The following PITHD1 variants were observed in gnomAD, a reference collection of about 807,000 sequenced individuals.
PITHD1 encodes the protein PITH domain containing 1, also known as PITH domain-containing protein 1.
In PITHD1, 8 loss-of-function variants were observed where a neutral mutation model predicts 27.5. The ratio of observed to expected loss-of-function variants is 0.29; its 90% confidence interval spans 0.17 to 0.52. PITHD1 has a LOEUF of 0.52. PITHD1 is among the 20% of genes least tolerant of loss of function. The pLI, the probability that PITHD1 is intolerant of heterozygous loss-of-function variation, is 0.96. For missense variants in PITHD1, 233 were observed against 283.9 expected, an observed-to-expected ratio of 0.82 and a Z score of 1.29; for synonymous variants, 118 against 106.8, an observed-to-expected ratio of 1.10 and a Z score of -0.64.
Position 23,788,060 on chromosome 1 carries a change from GGTCA to G in PITHD1, c.*687_*690del, listed in dbSNP as rs1638711594. The G allele has an allele frequency of 6.6e-6, 1 of 152,132 alleles. No individual in the cohort carries two copies. The highest frequency in any genetic ancestry group is 1.5e-5 in the Non-Finnish European group (1 of 68,038). 9.4% of individuals were successfully genotyped at this position (152,132 alleles called of 1,614,324 possible). ...TCATTTCTATGTGTGTGGGTAATCTGGTCAGTAAGATTGAGACTTAGTTAAGATT... is the reference window on the plus strand; with the variant it reads ...TCATTTCTATGTGTGTGGGTAATCTGGTAAGATTGAGACTTAGTTAAGATT... On this transcript the variant is annotated 3_prime_UTR_variant, in exon 6 of 6. Transcript: ENST00000246151.
At chr1:23,784,263 CGGA>C (rs1638652478) in intron 3 of PITHD1, among the ~76,000 whole-genome samples, 1 of 93,330 alleles carries the variant, frequency 1.1e-5, no homozygotes. Context: ...TTTTTTGAGA[CGGA>C]GTCTCGCTCT....
chr1:23,784,620 A>T (rs902122305), intron 3 of PITHD1, among the ~76,000 whole-genome samples: 12 of 152,226 alleles, frequency 7.9e-5, no homozygotes, highest in African/African-American at 2.2e-4. Context: ...ACACCCTGGA[A>T]TTGGTGGGGA....
intron 5 of PITHD1, among the ~76,000 whole-genome samples, chr1:23,786,977 C>T (rs1638694207): frequency 6.6e-6 from 1 of 152,036 alleles, no homozygotes; most frequent in African/African-American, 2.4e-5. Context: ...TATTCATGAA[C>T]CAGGGATAAG....
At chr1:23,783,303 C>A (rs924043602) in intron 3 of PITHD1, among the ~76,000 whole-genome samples, 10 of 139,928 alleles carry the variant, frequency 7.1e-5, no homozygotes, top group South Asian at 2.2e-4. Context: ...ATATGTATAT[C>A]TACATATATA....
At position 23,787,286 on chromosome 1, in the gene PITHD1, C is replaced by T. The variant is rs145680822; in HGVS notation, c.546C>T (p.His182=). ...CAATTTTCTTGCAGCTTCGCCGACA[C>T]GAGGTGACCATCTGCAATTACGAAG... ...LRGEWTELRR[H]EVTICNYEAS... The change falls in exon 6 of 6, where the codon CAC becomes CAT. Residue 182 remains histidine (H), a synonymous_variant. Coordinates refer to ENST00000246151, the MANE Select transcript of PITHD1 (RefSeq NM_020362.5). 8.9e-5 allele frequency: 143 copies of T among 1,613,340 alleles called. No homozygotes were observed. The highest frequency in any genetic ancestry group is 6.1e-4 in the African/African-American group (46 of 75,026).
In PITHD1 at chr1:23,778,521, G is replaced by T. The variant is rs1173941930; in HGVS notation, c.6G>T (p.Ser2=). 7.4e-7 allele frequency: 1 copy of T among 1,348,716 alleles called. No homozygotes were observed. Among genetic ancestry groups the T allele is most frequent in the Admixed American group, 3.9e-5 (1 of 25,490 alleles). The allele number at this position is 1,348,716 out of a possible 1,614,324, so 83.5% of individuals were successfully genotyped here. A position where few individuals can be genotyped will look rare whatever the true frequency, so the allele number is the denominator to read the frequency against. The change falls in exon 1 of 6, where the codon TCG becomes TCT. Residue 2 remains serine (S), a synonymous_variant. Transcript: ENST00000246151. M[S]HGHSHGGGGC... is the part of the protein sequence containing the mutation. ...GCGCAGGTGGCGGCGTTGCCATGTC[G>T]CACGGTCACAGCCACGGCGGGGGTG...
chr1:23,783,747 G>A (rs910700433), intron 3 of PITHD1, among the ~76,000 whole-genome samples: 1 of 152,038 alleles, frequency 6.6e-6, no homozygotes, highest in Non-Finnish European at 1.5e-5. Context: ...GAGCCACCAC[G>A]CCTGGCCCAT....
At chr1:23,782,560 A>T (rs1303343703) in intron 3 of PITHD1, among the ~76,000 whole-genome samples, 1 of 152,106 alleles carries the variant, frequency 6.6e-6, no homozygotes, top group Non-Finnish European at 1.5e-5. Flanking sequence ...GTAAGATCAT[A>T]TACTGGACCC....
chr1:23,779,890 GCAT>G lies in PITHD1; in HGVS notation c.273_275del (p.Ile93del). The G allele has an allele frequency of 6.2e-7, 1 of 1,613,694 alleles. No homozygotes were observed. Among genetic ancestry groups the G allele is most frequent in the Non-Finnish European group, 8.5e-7 (1 of 1,179,690 alleles). On this transcript the variant is annotated inframe_deletion, in exon 3 of 6. Coordinates refer to ENST00000246151, the MANE Select transcript of PITHD1 (RefSeq NM_020362.5). ...TTTACGGGCAATGTCAAGCTCAAAG[GCAT>G]CATTATAATGGGAGAGGATGATGAC...
chr1:23,785,905 G>A (rs2148402081), intron 4 of PITHD1, 126 bp downstream of exon 4: 1 of 607,260 alleles, frequency 1.6e-6, no homozygotes, highest in South Asian at 2.0e-5. Flanking sequence ...TTGATCTTTG[G>A]CTTGGTCAGT....
rs1423194733 is a variant in PITHD1 at position 23,785,718 on chromosome 1, G to T, written c.364G>T (p.Glu122Ter). 6.2e-7 allele frequency: 1 copy of T among 1,610,974 alleles called. No individual in the cohort carries two copies. The highest frequency in any genetic ancestry group is 8.5e-7 in the Non-Finnish European group (1 of 1,177,334). The part of the protein sequence containing the change: ...PQMSFDDTER[E>*]PDQTFSLNRD... ...GATGTCCTTTGATGATACAGAAAGGGAGCCAGATCAGACCTTTAGTCTGAA... is the reference window on the plus strand; with the variant it reads ...GATGTCCTTTGATGATACAGAAAGGTAGCCAGATCAGACCTTTAGTCTGAA... The change falls in exon 4 of 6, where the codon GAG becomes TAG. Residue 122 changes from glutamate to a stop codon, truncating the protein, a stop_gained. Transcript: ENST00000246151. LOFTEE classifies it high-confidence loss of function.
At chr1:23,786,517 A>G (rs1253487340) in intron 5 of PITHD1, 94 bp downstream of exon 5, 10 of 469,668 alleles carry the variant, frequency 2.1e-5, no homozygotes, top group Non-Finnish European at 3.9e-5. Context: ...AGCAAGTGTC[A>G]TAATTACTCC....
In PITHD1 at chr1:23,781,656, G is replaced by A. The variant is rs150073569; in HGVS notation, c.320+1715G>A. 1.9e-3 allele frequency among the ~76,000 whole-genome samples: 291 copies of A among 152,228 alleles called. 5 individuals carry two copies. The East Asian group carries it at 0.032, about 17-fold the overall frequency. On this transcript the variant is annotated intron_variant, in intron 3 of 5. Coordinates refer to ENST00000246151, the MANE Select transcript of PITHD1 (RefSeq NM_020362.5). ...TTGATGGACTGACCTGAGAATATTAGGCATCCATGCTGCATTGTGATTTAG... is the reference window on the plus strand; with the variant it reads ...TTGATGGACTGACCTGAGAATATTAAGCATCCATGCTGCATTGTGATTTAG...
chr1:23,780,071 G>T (rs1449399468), intron 3 of PITHD1, 130 bp downstream of exon 3: 4 of 649,416 alleles, frequency 6.2e-6, no homozygotes, highest in Non-Finnish European at 1.1e-5. Context: ...TCTTGGTCCT[G>T]TTCTCATTCT....
rs756712208 is a variant in PITHD1, at chr1:23,779,525, C to G, written c.242+44C>G. 10 of 1,432,150 alleles carry G rather than the reference C, an allele frequency of 7.0e-6. No homozygotes were observed. In the African/African-American group the frequency reaches 1.3e-4, roughly 18 times the overall value. 88.7% of individuals were successfully genotyped at this position (1,432,150 alleles called of 1,614,324 possible). A position where few individuals can be genotyped will look rare whatever the true frequency, so the allele number is the denominator to read the frequency against. On this transcript the variant is annotated intron_variant, in intron 2 of 5. Coordinates refer to ENST00000246151, the MANE Select transcript of PITHD1 (RefSeq NM_020362.5). ...CCTACCTCAGGCTAAATAGGCTGTA[C>G]CCAGTTGCCTCAGATGGATTCATTC...
chr1:23,784,173 CTATTAT>C (rs1040023138), intron 3 of PITHD1, among the ~76,000 whole-genome samples: 1 of 147,316 alleles, frequency 6.8e-6, no homozygotes, highest in South Asian at 2.2e-4. Flanking sequence ...TAAATGTTTA[CTATTAT>C]TATTATTCTG....
chr1:23,779,421 C>A lies in PITHD1; in HGVS notation c.199-17C>A, dbSNP rs969871804. 4 of 1,606,096 alleles carry A rather than the reference C, an allele frequency of 2.5e-6. No homozygotes were observed. The highest frequency in any genetic ancestry group is 3.4e-6 in the Non-Finnish European group (4 of 1,172,832). On this transcript the variant is annotated splice_polypyrimidine_tract_variant and intron_variant, in intron 1 of 5. Transcript: ENST00000246151. ...AATATTTGTTGCTTTCTCCTCCCCC[C>A]TCCCCATCCCCTCCAGTTTGTTGAA...
At chr1:23,786,812 G>A (rs1362411868) in intron 5 of PITHD1, among the ~76,000 whole-genome samples, 1 of 151,774 alleles carries the variant, frequency 6.6e-6, no homozygotes, top group African/African-American at 2.4e-5. Flanking sequence ...GGCTGGTCTC[G>A]AACTCCTGAC....
intron 1 of PITHD1, 63 bp downstream of exon 1, chr1:23,778,776 C>G: frequency 2.1e-6 from 2 of 953,516 alleles, no homozygotes; most frequent in East Asian, 3.3e-5. Flanking sequence ...GGCCGTCGGT[C>G]TACTCATTTC....
Sources: allele counts gnomAD v4.1 joint callset (sites outside exome capture counted in the v4.1 genomes callset), GRCh38; gene constraint gnomAD v4.1.1; transcripts MANE v1.5; gene names NCBI Gene and HGNC (gene_info 2026-07-23, HGNC 2026-07-21).